SUFU: variants seen among roughly 807,000 people sequenced by gnomAD.
SUFU encodes suppressor of fused homolog.
Under a neutral mutation model 58.9 loss-of-function variants are expected in SUFU, and 7 were observed. The observed-to-expected ratio is 0.12, with a 90% CI of 0.07 to 0.22. The LOEUF (loss-of-function observed/expected upper bound fraction) is 0.22. Ranked by LOEUF, SUFU falls within the 10% of genes least tolerant of loss-of-function variation. The probability of loss-of-function intolerance (pLI) is 1.00; values close to 1 mark genes in which losing one functional copy is unlikely to be tolerated. For synonymous variants in SUFU, 232 were observed against 254.8 expected, an observed-to-expected ratio of 0.91 and a Z score of 0.85; for missense variants, 451 against 641.3, an observed-to-expected ratio of 0.70 and a Z score of 3.20.
chr10:102,603,296 G>A (rs2063531287), intron 8 of SUFU, among the ~76,000 whole-genome samples: 2 of 152,072 alleles, frequency 1.3e-5, no homozygotes, highest in Admixed American at 1.3e-4. Flanking sequence ...CAAAATGCTG[G>A]GACTACAGGC....
intron 3 of SUFU, among the ~76,000 whole-genome samples, chr10:102,557,241 A>G (rs961517246): frequency 5.9e-5 from 9 of 151,828 alleles, no homozygotes; most frequent in African/African-American, 1.5e-4. Context: ...AAAAAAAAAA[A>G]AAAAGAAAAA....
At chr10:102,535,215 G>A (rs1317219477) in intron 2 of SUFU, among the ~76,000 whole-genome samples, 3 of 152,168 alleles carry the variant, frequency 2.0e-5, no homozygotes, top group African/African-American at 2.4e-5. Flanking sequence ...GGCCGGGCGC[G>A]GTGGCTCACG....
At chr10:102,566,499 C>T (rs1008404504) in intron 3 of SUFU, among the ~76,000 whole-genome samples, 2 of 152,052 alleles carry the variant, frequency 1.3e-5, no homozygotes, top group Non-Finnish European at 2.9e-5. Flanking sequence ...GGCGCGGTAG[C>T]TCACGCCTAT....
chr10:102,617,203 C>A lies in SUFU; in HGVS notation c.1158-87C>A, dbSNP rs1290596024. On this transcript the variant is annotated intron_variant, in intron 9 of 11. Coordinates refer to ENST00000369902, the MANE Select transcript of SUFU (RefSeq NM_016169.4). The surrounding 1 kb of genome is among the most constrained non-coding windows in gnomAD (Gnocchi z 4.4). ...TACCTGGCCCGCGGACCATAGTCCC[C>A]ACTGTCCCAGAGCCTTGGCCAGGCC... 1 of 1,586,400 alleles carries A rather than the reference C, an allele frequency of 6.3e-7. No individual in the cohort carries two copies. The highest frequency in any genetic ancestry group is 1.3e-5 in the African/African-American group (1 of 74,386).
At chr10:102,624,497 A>G (rs910808127) in intron 10 of SUFU, among the ~76,000 whole-genome samples, 1 of 152,212 alleles carries the variant, frequency 6.6e-6, no homozygotes, top group Non-Finnish European at 1.5e-5. Flanking sequence ...AATATCATGT[A>G]GATCTCATGT....
rs529764538 is a variant in SUFU, at chr10:102,553,897, C to G, written c.454+3791C>G. Among the ~76,000 whole-genome samples the G allele has an allele frequency of 2.6e-5, 4 of 152,288 alleles. No homozygotes were observed. In the South Asian group the frequency reaches 6.2e-4, roughly 24 times the overall value. On this transcript the variant is annotated intron_variant, in intron 3 of 11. Transcript: ENST00000369902. ...TGGCCTAAGCCCAGGAGTTCAGGAC[C>G]AGCGTAGGCAACATAAGGATATTCT...
intron 3 of SUFU, among the ~76,000 whole-genome samples, chr10:102,572,298 A>G (rs975719425): frequency 6.8e-6 from 1 of 146,580 alleles, no homozygotes; most frequent in Middle Eastern, 3.3e-3. Context: ...CTGGTCTGGA[A>G]CTCCTGACCT....
intron 2 of SUFU, among the ~76,000 whole-genome samples, chr10:102,520,332 C>G (rs970587071): frequency 2.0e-5 from 3 of 151,018 alleles, no homozygotes; most frequent in Non-Finnish European, 4.4e-5. Flanking sequence ...ATTCTCCTGC[C>G]TCAGCCTCCT....
At chr10:102,561,203 G>A (rs1468786092) in intron 3 of SUFU, among the ~76,000 whole-genome samples, 4 of 152,184 alleles carry the variant, frequency 2.6e-5, no homozygotes, top group Non-Finnish European at 5.9e-5. Context: ...CAGGTGTGGA[G>A]AAATTAACCT....
At chr10:102,505,046 G>A (rs758250965) in intron 1 of SUFU, among the ~76,000 whole-genome samples, 2 of 152,112 alleles carry the variant, frequency 1.3e-5, no homozygotes, top group Non-Finnish European at 1.5e-5. Flanking sequence ...TTCGCTTTAG[G>A]GCATTAGGTA....
rs201155779 is a variant in SUFU, at chr10:102,597,114, C to T, written c.757-26C>T. ...GGGTCACCAGTTCTCTGAAAGAACTCTGGCTCTTTGGTTCTTTTCAAGCAG... is the reference window on the plus strand; with the variant it reads ...GGGTCACCAGTTCTCTGAAAGAACTTTGGCTCTTTGGTTCTTTTCAAGCAG... On this transcript the variant is annotated intron_variant, in intron 6 of 11. Transcript: ENST00000369902. 1.8e-3 allele frequency: 2,913 copies of T among 1,613,890 alleles called. 9 individuals carry two copies. The highest frequency in any genetic ancestry group is 2.3e-3 in the Non-Finnish European group (2,692 of 1,179,970).
rs1425239685 is a variant in SUFU at position 102,625,465 on chromosome 10, A to G, written c.1297-1710A>G. ...TGGGTCTCTTGTCTCCTTGCCAGCC[A>G]AAAGAGGGTGCTTGTCCTGGTGGGA... On this transcript the variant is annotated intron_variant, in intron 10 of 11. Coordinates refer to ENST00000369902, the MANE Select transcript of SUFU (RefSeq NM_016169.4). This position sits in a 1 kb window ranked among gnomAD's most constrained non-coding sequence, Gnocchi z 4.7. Among the ~76,000 whole-genome samples the G allele has an allele frequency of 6.6e-6, 1 of 152,130 alleles. No individual in the cohort carries two copies. The highest frequency in any genetic ancestry group is 2.4e-5 in the African/African-American group (1 of 41,416).
At chr10:102,586,604 C>T (rs1454687073) in intron 3 of SUFU, among the ~76,000 whole-genome samples, 6 of 152,042 alleles carry the variant, frequency 3.9e-5, no homozygotes, top group African/African-American at 7.2e-5. Context: ...ACTCGGGAGG[C>T]GGAGCTTGCA....
At chr10:102,624,555 G>A (rs1019876018) in intron 10 of SUFU, among the ~76,000 whole-genome samples, 16 of 152,086 alleles carry the variant, frequency 1.1e-4, no homozygotes, top group Admixed American at 3.9e-4. Flanking sequence ...AGTTTCCAGC[G>A]GGAACCAGCA....
At chr10:102,587,642 C>T (rs191678393) in intron 3 of SUFU, among the ~76,000 whole-genome samples, 66 of 152,228 alleles carry the variant, frequency 4.3e-4, no homozygotes, top group Admixed American at 1.6e-3. Flanking sequence ...CAGGTGCCCA[C>T]CACTACGCCC....
rs761921681 is a variant in SUFU at position 102,504,195 on chromosome 10, C to A, written c.43C>A (p.Pro15Thr). Residue 15 changes from proline to threonine, a missense_variant, in exon 1 of 12, where the codon CCC becomes ACC. Pro to Thr is a conservative substitution (Grantham distance 38, BLOSUM62 -1). Transcript: ENST00000369902. ...RPSGAPGPTA[P>T]PAPGPTAPPA... is the part of the protein sequence containing the mutation. Reference sequence around the variant, plus strand: ...TAGCGGCGCCCCCGGCCCCACCGCGCCCCCGGCCCCTGGCCCGACTGCCCC... The same window carrying A: ...TAGCGGCGCCCCCGGCCCCACCGCGACCCCGGCCCCTGGCCCGACTGCCCC... 5.0e-5 allele frequency: 78 copies of A among 1,569,828 alleles called. No homozygotes were observed. Among genetic ancestry groups the A allele is most frequent in the Non-Finnish European group, 6.4e-5 (74 of 1,160,018 alleles).
rs2063721184 is a variant in SUFU at position 102,619,432 on chromosome 10, T to G, written c.1296+2004T>G. 1 of 1,327,082 alleles carries G rather than the reference T, an allele frequency of 7.5e-7. No homozygotes were observed. The highest frequency in any genetic ancestry group is 9.7e-7 in the Non-Finnish European group (1 of 1,032,556). The allele number at this position is 1,327,082 out of a possible 1,614,324, so 82.2% of individuals were successfully genotyped here. A position where few individuals can be genotyped will look rare whatever the true frequency, so the allele number is the denominator to read the frequency against. On this transcript the variant is annotated intron_variant, in intron 10 of 11. Transcript: ENST00000369902. The surrounding 1 kb of genome is among the most constrained non-coding windows in gnomAD (Gnocchi z 4.2). ...AACGAGCTGCTGGCCTCGGCATGTT[T>G]CAATAAAGTTGCTGTGCTGGGAGCT...
At chr10:102,555,274 A>G (rs1222554684) in intron 3 of SUFU, among the ~76,000 whole-genome samples, 1 of 150,790 alleles carries the variant, frequency 6.6e-6, no homozygotes. Flanking sequence ...TCTCACAAAA[A>G]AAAAAAAAAA....
chr10:102,590,696 G>C (rs1317689634), intron 3 of SUFU: 1 of 152,176 alleles, frequency 6.6e-6, no homozygotes, highest in Non-Finnish European at 1.5e-5. Flanking sequence ...ATCTTTGGCA[G>C]AATTTACCAG....
Sources: allele counts gnomAD v4.1 joint callset (sites outside exome capture counted in the v4.1 genomes callset), GRCh38; gene constraint gnomAD v4.1.1; non-coding constraint Gnocchi (gnomAD v3.1); transcripts MANE v1.5; gene names NCBI Gene and HGNC (gene_info 2026-07-23, HGNC 2026-07-21).